The following CNTN1 variants were observed in gnomAD, a reference collection of about 807,000 sequenced individuals.
CNTN1 encodes contactin 1.
Under a neutral mutation model 126.4 loss-of-function variants are expected in CNTN1, and 38 were observed. That is an observed-to-expected ratio of 0.30 (90% CI 0.23 to 0.39). The LOEUF (loss-of-function observed/expected upper bound fraction) is 0.39. Ranked by LOEUF, CNTN1 falls within the 10% of genes least tolerant of loss-of-function variation. The probability of loss-of-function intolerance (pLI) is 1.00; values close to 1 mark genes in which losing one functional copy is unlikely to be tolerated. For missense variants in CNTN1, 1,009 were observed against 1,248.4 expected (o/e 0.81, Z 2.89); for synonymous variants, 413 against 422.6 (o/e 0.98, Z 0.28).
intron 23 of CNTN1, among the ~76,000 whole-genome samples, chr12:41,033,669 C>T (rs924872449): frequency 6.6e-6 from 1 of 151,760 alleles, no homozygotes; most frequent in Non-Finnish European, 1.5e-5. Flanking sequence ...TGGTGATTGT[C>T]GAAAATATGT....
chr12:40,971,413 C>A (rs1017825496), intron 15 of CNTN1: 2 of 1,588,582 alleles, frequency 1.3e-6, no homozygotes, highest in African/African-American at 2.7e-5. Flanking sequence ...CTCCCTTCAG[C>A]CTTGATCTTT....
intron 19 of CNTN1, among the ~76,000 whole-genome samples, chr12:41,017,765 C>T (rs1193347235): frequency 6.6e-6 from 1 of 151,970 alleles, no homozygotes; most frequent in African/African-American, 2.4e-5. Context: ...GTTTAAGCTG[C>T]TATACTTTTG....
At chr12:40,784,205 T>C (rs1939914790) in intron 1 of CNTN1, among the ~76,000 whole-genome samples, 1 of 152,142 alleles carries the variant, frequency 6.6e-6, no homozygotes, top group South Asian at 2.1e-4. Flanking sequence ...TGTCTGGAGA[T>C]GAGTCTTCAT....
chr12:40,985,156 T>C (rs894492792), intron 16 of CNTN1, among the ~76,000 whole-genome samples: 5 of 152,102 alleles, frequency 3.3e-5, no homozygotes. Context: ...TGCTTGGATA[T>C]GATATTCTTG....
chr12:40,703,825 G>A (rs1941663138), intron 1 of CNTN1, among the ~76,000 whole-genome samples: 2 of 151,632 alleles, frequency 1.3e-5, no homozygotes, highest in African/African-American at 4.9e-5. Flanking sequence ...CAGAAATGCA[G>A]ATCTACCATG....
intron 1 of CNTN1, among the ~76,000 whole-genome samples, chr12:40,763,883 AG>A (rs1199811061): frequency 3.3e-5 from 5 of 152,180 alleles, no homozygotes; most frequent in African/African-American, 1.2e-4. Context: ...TCCAGATTTC[AG>A]ACTCTAGGCC....
Position 40,934,694 on chromosome 12 carries a change from A to G in CNTN1, c.985+816A>G, listed in dbSNP as rs144986504. On this transcript the variant is annotated intron_variant, in intron 9 of 23. Coordinates refer to ENST00000551295, the MANE Select transcript of CNTN1 (RefSeq NM_001843.4). The stretch of plus-strand genomic sequence containing the variant: ...CGTCTCTCCCAAAAAGGAATAAAAA[A>G]TTTGACAGATTCACGCATTCTCTCT... 1.1e-3 allele frequency among the ~76,000 whole-genome samples: 162 copies of G among 152,130 alleles called. 2 individuals are homozygous for G. Among genetic ancestry groups the G allele is most frequent in the African/African-American group, 3.6e-3 (150 of 41,540 alleles).
intron 3 of CNTN1, among the ~76,000 whole-genome samples, chr12:40,917,537 A>T (rs187801857): frequency 1.4e-3 from 216 of 152,236 alleles, no homozygotes; most frequent in Non-Finnish European, 1.4e-3. Flanking sequence ...TCTCATCTTC[A>T]AGTTTAGTGT....
chr12:40,739,051 G>C (rs536706449), intron 1 of CNTN1, among the ~76,000 whole-genome samples: 3 of 152,150 alleles, frequency 2.0e-5, no homozygotes, highest in Non-Finnish European at 4.4e-5. Context: ...CTACAAACCA[G>C]TTAAATCAGA....
At chr12:40,885,517 C>G (rs181152965) in intron 1 of CNTN1, among the ~76,000 whole-genome samples, 5 of 152,064 alleles carry the variant, frequency 3.3e-5, no homozygotes, top group Admixed American at 1.3e-4. Flanking sequence ...TACTAGTTAA[C>G]TGTGTGACCT....
chr12:40,998,727 A>C (rs1948282048), intron 17 of CNTN1, among the ~76,000 whole-genome samples: 1 of 152,164 alleles, frequency 6.6e-6, no homozygotes, highest in African/African-American at 2.4e-5. Flanking sequence ...ATATAGAATT[A>C]ATGCAGGTGT....
chr12:40,875,246 C>T (rs1476171413), intron 1 of CNTN1, among the ~76,000 whole-genome samples: 2 of 152,064 alleles, frequency 1.3e-5, no homozygotes, highest in Non-Finnish European at 2.9e-5. Context: ...TGTTGTAATA[C>T]TATTTACCAT....
At chr12:40,932,819 G>C (rs1169375811) in intron 7 of CNTN1, among the ~76,000 whole-genome samples, 1 of 151,840 alleles carries the variant, frequency 6.6e-6, no homozygotes, top group Non-Finnish European at 1.5e-5. Flanking sequence ...TACAGTGTGT[G>C]GTACACACTC....
intron 6 of CNTN1, among the ~76,000 whole-genome samples, chr12:40,927,705 T>C (rs991776828): frequency 6.6e-6 from 1 of 152,112 alleles, no homozygotes; most frequent in South Asian, 2.1e-4. Context: ...AAAGGCCACA[T>C]CTATCTTGTT....
intron 23 of CNTN1, among the ~76,000 whole-genome samples, chr12:41,044,191 A>T (rs1202783471): frequency 6.6e-6 from 1 of 151,950 alleles, no homozygotes; most frequent in Non-Finnish European, 1.5e-5. Flanking sequence ...AAATTCAGAG[A>T]AAGAGTAATG....
chr12:40,888,920 C>A (rs1289667594), intron 1 of CNTN1, among the ~76,000 whole-genome samples: 4 of 152,366 alleles, frequency 2.6e-5, no homozygotes, highest in African/African-American at 9.6e-5. Context: ...ATGTAAAGAA[C>A]ACAGCCTTGC....
chr12:40,825,422 C>T (rs7970381), intron 1 of CNTN1, among the ~76,000 whole-genome samples: 3 of 151,936 alleles, frequency 2.0e-5, no homozygotes, highest in Admixed American at 6.6e-5. Context: ...GATTTATACC[C>T]AAATTTTGAT....
At chr12:40,958,941 T>C (rs1947000686) in intron 14 of CNTN1, among the ~76,000 whole-genome samples, 173 bp from the exon 15 acceptor site, 1 of 152,112 alleles carries the variant, frequency 6.6e-6, no homozygotes, top group African/African-American at 2.4e-5. Context: ...ATTCACTTTA[T>C]TTTTCAGTTG....
chr12:40,724,278 A>C (rs1942296344), intron 1 of CNTN1, among the ~76,000 whole-genome samples: 1 of 152,174 alleles, frequency 6.6e-6, no homozygotes, highest in African/African-American at 2.4e-5. Context: ...AGATTCTGCC[A>C]TATTCTGGGA....
Sources: allele counts gnomAD v4.1 joint callset (sites outside exome capture counted in the v4.1 genomes callset), GRCh38; gene constraint gnomAD v4.1.1; transcripts MANE v1.5; gene names NCBI Gene and HGNC (gene_info 2026-07-23, HGNC 2026-07-21).